NRK: variants seen among roughly 807,000 people sequenced by gnomAD.
The protein encoded by NRK is Nik related kinase.
A neutral mutation model predicts 125.2 loss-of-function variants in NRK; 67 were observed. The ratio of observed to expected loss-of-function variants is 0.54; its 90% CI spans 0.44 to 0.66. The LOEUF is 0.66. NRK is among the 30% of genes least tolerant of loss of function. The pLI is 0.00. For missense variants in NRK, 1,224 were observed against 1,192.9 expected (o/e 1.03, Z -0.38); for synonymous variants, 458 against 429.0 (o/e 1.07, Z -0.84).
At chrX:105,845,323 G>C (rs1384140407) in intron 2 of NRK, among the ~76,000 whole-genome samples, 2 of 111,505 alleles carry the variant, frequency 1.8e-5, no homozygotes, top group African/African-American at 6.5e-5. Context: ...ATATTTTGTA[G>C]TTTTCCTTAT....
At chrX:105,825,974 G>T (rs2039087004) in intron 1 of NRK, among the ~76,000 whole-genome samples, 1 of 105,403 alleles carries the variant, frequency 9.5e-6, no homozygotes, top group African/African-American at 3.5e-5. Context: ...ATATATGTGT[G>T]TATGTATATT....
chrX:105,851,835 C>T (rs1371370717), intron 2 of NRK, among the ~76,000 whole-genome samples: 2 of 111,175 alleles, frequency 1.8e-5, no homozygotes, highest in East Asian at 2.9e-4. Context: ...GCTTTTCTCT[C>T]TTACAGGATC....
Position 105,909,516 on chromosome X carries a change from G to A in NRK, c.1875G>A (p.Trp625Ter). Residue 625 changes from tryptophan to a stop codon, truncating the protein, a stop_gained, in exon 13 of 29, where the codon TGG becomes TGA. Transcript: ENST00000243300. LOFTEE classifies it high-confidence loss of function. ...AAGGATCACCTCAGGCACAGGCTTG[G>A]ACACTAGAACCCCCACAGGCAATTG... is the stretch of plus-strand genomic sequence containing the variant. ...QTEGSPQAQA[W>*]TLEPPQAIGS... 1 of 1,210,812 alleles carries A rather than the reference G, an allele frequency of 8.3e-7. No individual in the cohort carries two copies. Among genetic ancestry groups the A allele is most frequent in the Non-Finnish European group, 1.1e-6 (1 of 895,064 alleles).
chrX:105,937,306 T>A lies in NRK; in HGVS notation c.3656-133T>A, dbSNP rs140437484. 2,159 of 389,506 alleles carry A rather than the reference T, an allele frequency of 5.5e-3. 37 individuals carry two copies. The highest frequency in any genetic ancestry group is 0.051 in the African/African-American group (1,931 of 38,228). The allele number at this position is 389,506 out of a possible 1,213,427, so 32.1% of individuals were successfully genotyped here. A position where few individuals can be genotyped will look rare whatever the true frequency, so the allele number is the denominator to read the frequency against. On this transcript the variant is annotated intron_variant, in intron 21 of 28. Coordinates refer to ENST00000243300, the MANE Select transcript of NRK (RefSeq NM_198465.4). ...ATATAGATGCAATTATGAAAAATAA[T>A]ATGAGGTGAATATAGCCTAAACTGA...
intron 2 of NRK, among the ~76,000 whole-genome samples, chrX:105,878,743 C>T (rs370093273): frequency 1.8e-5 from 2 of 111,114 alleles, no homozygotes; most frequent in Non-Finnish European, 3.8e-5. Flanking sequence ...CATGCTCCGC[C>T]CTAAACTGCT....
intron 2 of NRK, among the ~76,000 whole-genome samples, chrX:105,866,617 T>G (rs2039675373): frequency 9.0e-6 from 1 of 111,637 alleles, no homozygotes. Context: ...CCTTAAGTGT[T>G]TAGAAGTTGA....
chrX:105,853,636 A>C (rs1205547945), intron 2 of NRK, among the ~76,000 whole-genome samples: 2 of 112,427 alleles, frequency 1.8e-5, no homozygotes, highest in Non-Finnish European at 3.8e-5. Flanking sequence ...GAATCCCAGG[A>C]AAGGGCAAAA....
intron 2 of NRK, among the ~76,000 whole-genome samples, chrX:105,849,934 T>C (rs1226008975): frequency 8.9e-6 from 1 of 112,155 alleles, no homozygotes; most frequent in East Asian, 2.8e-4. Flanking sequence ...TTCTGGGGTC[T>C]GGAGGATGGT....
At chrX:105,942,292 T>C (rs2040753569) in intron 23 of NRK, among the ~76,000 whole-genome samples, 2 of 112,111 alleles carry the variant, frequency 1.8e-5, no homozygotes, top group African/African-American at 6.5e-5. Context: ...TTTTTTTCTC[T>C]TGGATAGTAT....
At chrX:105,887,075 A>C (rs1013854708) in intron 4 of NRK, among the ~76,000 whole-genome samples, 1 of 111,870 alleles carries the variant, frequency 8.9e-6, no homozygotes, top group African/African-American at 3.2e-5. Flanking sequence ...CAAAACAACA[A>C]ATTTATAAAT....
At chrX:105,948,627 G>T (rs1329100792) in intron 26 of NRK, 5 of 483,139 alleles carry the variant, frequency 1.0e-5, no homozygotes, top group Admixed American at 9.6e-5. Context: ...TTTTTTTTCT[G>T]ATTCAATTGC....
intron 23 of NRK, among the ~76,000 whole-genome samples, chrX:105,941,555 A>G (rs868848631): frequency 8.4e-4 from 72 of 85,264 alleles, no homozygotes; most frequent in African/African-American, 2.5e-3. Flanking sequence ...GAGAGACAGA[A>G]AGAGAGAGAG....
intron 6 of NRK, among the ~76,000 whole-genome samples, chrX:105,894,758 T>C (rs1255081830): frequency 8.9e-6 from 1 of 112,292 alleles, no homozygotes; most frequent in Non-Finnish European, 1.9e-5. Flanking sequence ...ATTTACTCCA[T>C]GTAAAGCACT....
Position 105,888,300 on chromosome X carries a change from G to A in NRK, c.259G>A (p.Glu87Lys), listed in dbSNP as rs1474166462. Residue 87 changes from glutamate (E) to lysine (K), a missense_variant, in exon 5 of 29, where the codon GAA (glutamate) becomes AAA (lysine). Physicochemically the swap from Glu to Lys is moderately conservative, Grantham distance 56. Transcript: ENST00000243300. ...KSVGWRYSDE[E>K]EDLRTELNLL... ...GTCTATTCTTATTCCATAGGATGAG[G>A]AAGAGGATCTCAGGACTGAACTCAA... is the stretch of plus-strand genomic sequence containing the variant. The A allele has an allele frequency of 8.4e-7, 1 of 1,195,183 alleles. No homozygotes were observed. Among genetic ancestry groups the A allele is most frequent in the Non-Finnish European group, 1.1e-6 (1 of 885,092 alleles).
chrX:105,938,695 G>A (rs2040696451), intron 22 of NRK, among the ~76,000 whole-genome samples: 1 of 111,719 alleles, frequency 9.0e-6, no homozygotes, highest in Non-Finnish European at 1.9e-5. Context: ...GTATAAGAAG[G>A]TACTCAGTAG....
At position 105,892,551 on chromosome X, in the gene NRK, A is replaced by G. The variant is rs138578451; in HGVS notation, c.379-1281A>G. ...TAGTTGAGCTCTTCTGACTCACATA[A>G]TATAAGCAAGATCTTCCAGGGTTTA... is the stretch of plus-strand genomic sequence containing the variant. On this transcript the variant is annotated intron_variant, in intron 5 of 28. Coordinates refer to ENST00000243300, the MANE Select transcript of NRK (RefSeq NM_198465.4). 2.2e-3 allele frequency among the ~76,000 whole-genome samples: 242 copies of G among 111,978 alleles called. 7 individuals carry two copies. In the East Asian group the frequency reaches 0.062, roughly 29 times the overall value.
intron 2 of NRK, among the ~76,000 whole-genome samples, chrX:105,869,243 A>T (rs889019486): frequency 1.8e-5 from 2 of 111,560 alleles, no homozygotes; most frequent in African/African-American, 6.5e-5. Context: ...AGGGGCTACA[A>T]TGAGGACTCA....
intron 2 of NRK, among the ~76,000 whole-genome samples, chrX:105,832,021 A>G (rs1346356575): frequency 8.1e-5 from 9 of 111,665 alleles, no homozygotes; most frequent in Non-Finnish European, 1.7e-4. Flanking sequence ...TTACTGTGCC[A>G]TTATATATCA....
intron 5 of NRK, among the ~76,000 whole-genome samples, chrX:105,893,056 C>T (rs1011157687): frequency 2.2e-4 from 25 of 111,766 alleles, no homozygotes; most frequent in Admixed American, 1.9e-3. Flanking sequence ...TTGTACATCA[C>T]TCTTTAGTTA....
Sources: allele counts gnomAD v4.1 joint callset (sites outside exome capture counted in the v4.1 genomes callset), GRCh38; gene constraint gnomAD v4.1.1; transcripts MANE v1.5; gene names NCBI Gene and HGNC (gene_info 2026-07-23, HGNC 2026-07-21).